Variants in PRKCE observed in about 807,000 individuals in gnomAD.
PRKCE encodes the protein protein kinase C epsilon type.
In PRKCE, 16 loss-of-function variants were observed where a neutral mutation model predicts 85.4. The ratio of observed to expected loss-of-function variants is 0.19; its 90% CI spans 0.13 to 0.28. PRKCE has a LOEUF of 0.28. Among genes scored for constraint, PRKCE ranks in the 10% least tolerant of loss-of-function variants. The probability of loss-of-function intolerance (pLI) is 1.00; values close to 1 mark genes in which losing one functional copy is unlikely to be tolerated. For missense variants in PRKCE, 573 were observed against 975.2 expected, an observed-to-expected ratio of 0.59 and a Z score of 5.49; for synonymous variants, 388 against 371.5, an observed-to-expected ratio of 1.04 and a Z score of -0.51.
rs1295057714 is a variant in PRKCE at position 46,056,239 on chromosome 2, AC to A, written c.1438-29967del. On this transcript the variant is annotated intron_variant, in intron 10 of 14. Coordinates refer to ENST00000306156, the MANE Select transcript of PRKCE (RefSeq NM_005400.3). ...ACTTCTTCACGGTTAATGTTCTTGA[AC>A]CTTTTTTTTTTTTTTCCATTTCATC... Among the ~76,000 whole-genome samples, 10 of 140,914 alleles carry A rather than the reference AC, an allele frequency of 7.1e-5. 1 individual carries two copies. The East Asian group carries it at 1.6e-3, about 22-fold the overall frequency. 92.4% of individuals were successfully genotyped at this position (140,914 alleles called of 152,430 possible).
chr2:46,098,146 G>A (rs1250862111), intron 11 of PRKCE, among the ~76,000 whole-genome samples: 1 of 152,114 alleles, frequency 6.6e-6, no homozygotes, highest in African/African-American at 2.4e-5. Flanking sequence ...TCTTATTTTT[G>A]TGTCTTTCAT....
At chr2:45,720,336 CG>C (rs1680509208) in intron 1 of PRKCE, among the ~76,000 whole-genome samples, 1 of 152,016 alleles carries the variant, frequency 6.6e-6, no homozygotes, top group African/African-American at 2.4e-5. Flanking sequence ...GGGAGGTTGG[CG>C]GGGGCGGTAG....
At chr2:45,756,700 G>GA (rs1432702184) in intron 1 of PRKCE, among the ~76,000 whole-genome samples, 1 of 152,118 alleles carries the variant, frequency 6.6e-6, no homozygotes, top group Non-Finnish European at 1.5e-5. Flanking sequence ...TATGCTGAGT[G>GA]AAAAAAACAG....
At chr2:46,104,464 A>C (rs922347456) in intron 11 of PRKCE, among the ~76,000 whole-genome samples, 12 of 152,058 alleles carry the variant, frequency 7.9e-5, no homozygotes, top group Non-Finnish European at 1.8e-4. Context: ...CAAGGATGGC[A>C]TCTTCAGTGA....
At chr2:46,182,644 G>A (rs1340857294) in intron 14 of PRKCE, among the ~76,000 whole-genome samples, 1 of 152,120 alleles carries the variant, frequency 6.6e-6, no homozygotes, top group Non-Finnish European at 1.5e-5. Context: ...CAGGACTGGT[G>A]GTGCTAAAAG....
At chr2:45,665,746 T>C (rs1246004179) in intron 1 of PRKCE, among the ~76,000 whole-genome samples, 2 of 152,234 alleles carry the variant, frequency 1.3e-5, no homozygotes, top group Non-Finnish European at 2.9e-5. Context: ...GACATTCTTA[T>C]ACTACAAAAG....
chr2:45,829,791 C>T (rs755541803), intron 1 of PRKCE, among the ~76,000 whole-genome samples: 3 of 152,138 alleles, frequency 2.0e-5, no homozygotes, highest in African/African-American at 7.2e-5. Context: ...TTGGAAGGCT[C>T]GGCCGGGCGC....
chr2:45,740,586 G>A (rs1287088071), intron 1 of PRKCE, among the ~76,000 whole-genome samples: 1 of 152,068 alleles, frequency 6.6e-6, no homozygotes, highest in Non-Finnish European at 1.5e-5. Context: ...AGCATCCTCA[G>A]CTCCAGGAAT....
chr2:46,090,509 G>A (rs564378004), intron 11 of PRKCE, among the ~76,000 whole-genome samples: 1 of 152,232 alleles, frequency 6.6e-6, no homozygotes, highest in Admixed American at 6.5e-5. Context: ...TACCCTACTG[G>A]CAGTAGATGA....
At chr2:45,982,562 A>G (rs1305260776) in intron 5 of PRKCE, among the ~76,000 whole-genome samples, 1 of 151,336 alleles carries the variant, frequency 6.6e-6, no homozygotes, top group East Asian at 1.9e-4. Flanking sequence ...TTTTTTCTTT[A>G]ATCTCACAAT....
chr2:46,007,451 C>T lies in PRKCE; in HGVS notation c.1064-11C>T. The T allele has an allele frequency of 1.3e-6, 2 of 1,599,652 alleles. No individual in the cohort carries two copies. The highest frequency in any genetic ancestry group is 8.5e-7 in the Non-Finnish European group (1 of 1,179,860). The stretch of plus-strand genomic sequence containing the variant: ...TGCACTAATGCAATTTCTTGTTCCC[C>T]TTGGCCCTAGAAATAAAAGAACTTG... On this transcript the variant is annotated splice_polypyrimidine_tract_variant and intron_variant, in intron 8 of 14. Transcript: ENST00000306156.
chr2:46,024,014 C>T (rs558563894), intron 10 of PRKCE, among the ~76,000 whole-genome samples: 7 of 152,312 alleles, frequency 4.6e-5, no homozygotes, highest in African/African-American at 1.2e-4. Flanking sequence ...CAGCTGGAAG[C>T]GGCAGAGCCT....
rs71912599 is a variant in PRKCE, at chr2:45,830,293, C to CGA, written c.349-12684_349-12683dup. On this transcript the variant is annotated intron_variant, in intron 1 of 14. Transcript: ENST00000306156. The stretch of plus-strand genomic sequence containing the variant: ...TGCTGCATTCATAAACAAAAACAAA[C>CGA]GAGAGAGAGAGAGAGAGAGAGAGAA... Among the ~76,000 whole-genome samples, 1,107 of 146,228 alleles carry CGA rather than the reference C, an allele frequency of 7.6e-3. 17 individuals carry two copies. The highest frequency in any genetic ancestry group is 0.024 in the African/African-American group (953 of 39,526).
chr2:45,976,346 T>G, intron 2 of PRKCE, 83 bp from the exon 3 acceptor site: 1 of 1,464,886 alleles, frequency 6.8e-7, no homozygotes. Flanking sequence ...CCCCCAGGGA[T>G]GGAGTAGCTC....
At chr2:45,886,065 A>T (rs949943717) in intron 2 of PRKCE, among the ~76,000 whole-genome samples, 1 of 152,096 alleles carries the variant, frequency 6.6e-6, no homozygotes, top group East Asian at 1.9e-4. Context: ...CAAGAGGCCT[A>T]CCTGGGCTGT....
rs1269205501 is a variant in PRKCE, at chr2:45,895,649, T to C, written c.412+52586T>C. Among the ~76,000 whole-genome samples the C allele has an allele frequency of 6.6e-6, 1 of 152,198 alleles. No individual in the cohort carries two copies. The highest frequency in any genetic ancestry group is 1.5e-5 in the Non-Finnish European group (1 of 68,044). ...GAAGTCACTCTAATGGCATGCAGGG[T>C]AGATGATGTCAGCTTTTCCATCTCA... On this transcript the variant is annotated intron_variant, in intron 2 of 14. Coordinates refer to ENST00000306156, the MANE Select transcript of PRKCE (RefSeq NM_005400.3). The surrounding 1 kb of genome is among the most constrained non-coding windows in gnomAD (Gnocchi z 4.8).
At chr2:45,755,924 G>T (rs1683964998) in intron 1 of PRKCE, among the ~76,000 whole-genome samples, 1 of 152,228 alleles carries the variant, frequency 6.6e-6, no homozygotes, top group African/African-American at 2.4e-5. Flanking sequence ...AATTGGAGAA[G>T]GTAGAAGGGA....
At chr2:46,034,903 AG>A (rs1342960543) in intron 10 of PRKCE, among the ~76,000 whole-genome samples, 2 of 152,274 alleles carry the variant, frequency 1.3e-5, no homozygotes, top group African/African-American at 4.8e-5. Flanking sequence ...TGAGACTGCT[AG>A]CTTGTTGGCA....
intron 10 of PRKCE, among the ~76,000 whole-genome samples, chr2:46,030,536 G>T (rs1451959545): frequency 6.6e-6 from 1 of 152,120 alleles, no homozygotes; most frequent in Non-Finnish European, 1.5e-5. Flanking sequence ...CCTCCCTGGG[G>T]ATTCTGAAGT....
Sources: allele counts gnomAD v4.1 joint callset (sites outside exome capture counted in the v4.1 genomes callset), GRCh38; gene constraint gnomAD v4.1.1; non-coding constraint Gnocchi (gnomAD v3.1); transcripts MANE v1.5; gene names NCBI Gene and HGNC (gene_info 2026-07-23, HGNC 2026-07-21).